Variants in USP34 observed in about 807,000 individuals in gnomAD.
USP34 encodes ubiquitin carboxyl-terminal hydrolase 34.
USP34 carries 70 observed loss-of-function variants against 460.3 expected under a neutral mutation model. The ratio of observed to expected loss-of-function variants is 0.15; its 90% CI spans 0.13 to 0.19. The LOEUF (loss-of-function observed/expected upper bound fraction) is 0.19, where lower values mean the gene tolerates loss of function less well. USP34 is among the 10% of genes least tolerant of loss of function. The pLI, the probability that USP34 is intolerant of heterozygous loss-of-function variation, is 1.00. For missense variants in USP34, 3,985 were observed against 4,236.2 expected, an observed-to-expected ratio of 0.94 and a Z score of 1.65; for synonymous variants, 1,647 against 1,405.3, an observed-to-expected ratio of 1.17 and a Z score of -3.85.
intron 35 of USP34, among the ~76,000 whole-genome samples, chr2:61,284,120 T>C (rs991013198): frequency 2.6e-5 from 4 of 152,172 alleles, no homozygotes; most frequent in African/African-American, 9.7e-5. Flanking sequence ...ACGAAATGAC[T>C]TCAGATTTAA....
chr2:61,375,768 C>CAAAAAAAAAAA (rs56304309), intron 8 of USP34, among the ~76,000 whole-genome samples: 933 of 80,718 alleles, frequency 0.012, 33 homozygotes, highest in South Asian at 0.019. Flanking sequence ...GACTCTGTCT[C>CAAAAAAAAAAA]AAAAAAAAAA....
rs774913204 is a variant in USP34 at position 61,401,024 on chromosome 2, G to A, written c.552+4684C>T. ...AATTAGCTGGGCATTTTGGGTGCGC[G>A]CCTGTAGTCCCAGCTACTTGGGAGG... On this transcript the variant is annotated intron_variant, in intron 3 of 79. Coordinates refer to ENST00000398571, the MANE Select transcript of USP34 (RefSeq NM_014709.4). Among the ~76,000 whole-genome samples, 26 of 151,196 alleles carry A rather than the reference G, an allele frequency of 1.7e-4. 1 individual carries two copies. The highest frequency in any genetic ancestry group is 3.2e-4 in the Non-Finnish European group (22 of 67,838).
intron 58 of USP34, 85 bp downstream of exon 58, chr2:61,232,367 G>A (rs903250807): frequency 8.9e-7 from 1 of 1,126,386 alleles, no homozygotes; most frequent in South Asian, 1.3e-5. Context: ...ATTAGGTTAA[G>A]ACACACTTAT....
chr2:61,385,581 A>T (rs1693113816), intron 5 of USP34, among the ~76,000 whole-genome samples: 1 of 147,410 alleles, frequency 6.8e-6, no homozygotes, highest in Non-Finnish European at 1.5e-5. Flanking sequence ...CTGAGGCAGG[A>T]GAATGGCGTG....
At chr2:61,247,896 C>T (rs1019872529) in intron 49 of USP34, among the ~76,000 whole-genome samples, 9 of 152,034 alleles carry the variant, frequency 5.9e-5, no homozygotes, top group Non-Finnish European at 1.0e-4. Context: ...GAAGGATAAA[C>T]GAGCAAGAGG....
intron 20 of USP34, among the ~76,000 whole-genome samples, chr2:61,326,117 A>AC (rs1408715820): frequency 6.6e-6 from 1 of 152,098 alleles, no homozygotes; most frequent in Non-Finnish European, 1.5e-5. Flanking sequence ...GAGATAGAAA[A>AC]GGAAGTCAGG....
chr2:61,335,549 C>T (rs769492254), intron 18 of USP34, among the ~76,000 whole-genome samples: 3 of 152,110 alleles, frequency 2.0e-5, no homozygotes, highest in African/African-American at 4.8e-5. Context: ...GAGTTTGAGA[C>T]CAGCCAGGGA....
At position 61,199,342 on chromosome 2, in the gene USP34, G is replaced by A. The variant is rs141015038; in HGVS notation, c.9508+3798C>T. On this transcript the variant is annotated intron_variant, in intron 75 of 79. Coordinates refer to ENST00000398571, the MANE Select transcript of USP34 (RefSeq NM_014709.4). ...GCCATCTCGGCTCACTGCAACCTCC[G>A]CCTCCCAGGCTCAAGCGATTCTCCT... Among the ~76,000 whole-genome samples the A allele has an allele frequency of 3.1e-3, 473 of 151,636 alleles. 2 individuals are homozygous for A. The highest frequency in any genetic ancestry group is 5.6e-3 in the Non-Finnish European group (383 of 67,912).
intron 7 of USP34, among the ~76,000 whole-genome samples, chr2:61,378,678 G>A (rs956535183): frequency 6.6e-6 from 1 of 152,028 alleles, no homozygotes; most frequent in African/African-American, 2.4e-5. Context: ...GGCCAAGGCA[G>A]GTGGATCACC....
chr2:61,197,340 C>T (rs1686838909), intron 75 of USP34, among the ~76,000 whole-genome samples: 2 of 152,098 alleles, frequency 1.3e-5, no homozygotes, highest in South Asian at 4.1e-4. Flanking sequence ...TAAATTTTCT[C>T]ATCAATTTTG....
Position 61,227,098 on chromosome 2 carries a change from C to G in USP34, c.7564G>C (p.Ala2522Pro). ...AALEKMIALV[A>P]LLVEQSRSER... ...GATCGAGACTGTTCAACCAAAAGAG[C>G]AACTAAAGCTATCATCTTTTCAAGG... is the stretch of plus-strand genomic sequence containing the variant. The change falls in exon 62 of 80, where the codon GCT becomes CCT. Residue 2522 changes from alanine to proline, a missense_variant. Coordinates refer to ENST00000398571, the MANE Select transcript of USP34 (RefSeq NM_014709.4). The G allele has an allele frequency of 6.2e-7, 1 of 1,612,572 alleles. No homozygotes were observed. The highest frequency in any genetic ancestry group is 2.2e-5 in the East Asian group (1 of 44,816).
At chr2:61,257,408 T>A in intron 44 of USP34, 58 bp from the exon 45 acceptor site, 1 of 1,449,466 alleles carries the variant, frequency 6.9e-7, no homozygotes, top group Non-Finnish European at 9.2e-7. Context: ...AATTATAGGT[T>A]CTTCAATGAA....
chr2:61,386,470 G>C (rs935723864), intron 5 of USP34, among the ~76,000 whole-genome samples: 1 of 151,962 alleles, frequency 6.6e-6, no homozygotes, highest in Non-Finnish European at 1.5e-5. Flanking sequence ...CCTGATCAAG[G>C]TAAGCAAGAA....
chr2:61,234,616 T>A (rs975257914), intron 57 of USP34, among the ~76,000 whole-genome samples: 4 of 151,924 alleles, frequency 2.6e-5, no homozygotes, highest in African/African-American at 7.3e-5. Context: ...GGCCAAAGAG[T>A]ACAAAGTTTC....
chr2:61,397,238 T>A (rs1693556984), intron 3 of USP34, among the ~76,000 whole-genome samples: 2 of 150,038 alleles, frequency 1.3e-5, no homozygotes, highest in Admixed American at 6.7e-5. Flanking sequence ...AGGTCAAGAG[T>A]TCTAGACCAG....
chr2:61,192,059 A>G (rs551969744), intron 76 of USP34, among the ~76,000 whole-genome samples: 1 of 152,358 alleles, frequency 6.6e-6, no homozygotes, highest in South Asian at 2.1e-4. Flanking sequence ...CCAGTAGAGT[A>G]CAGGATGGCA....
At chr2:61,261,608 TCC>T (rs1688880068) in intron 43 of USP34, among the ~76,000 whole-genome samples, 1 of 152,186 alleles carries the variant, frequency 6.6e-6, no homozygotes, top group Non-Finnish European at 1.5e-5. Flanking sequence ...ATGTATTTAA[TCC>T]CATCAACTGT....
At chr2:61,210,276 C>T (rs1341637491) in intron 69 of USP34, among the ~76,000 whole-genome samples, 1 of 152,094 alleles carries the variant, frequency 6.6e-6, no homozygotes, top group East Asian at 1.9e-4. Flanking sequence ...TGGTAAGTGC[C>T]CTACACAAGT....
chr2:61,396,261 T>C (rs1693520821), intron 3 of USP34, among the ~76,000 whole-genome samples: 1 of 152,144 alleles, frequency 6.6e-6, no homozygotes, highest in African/African-American at 2.4e-5. Flanking sequence ...AGTTATCCAT[T>C]GTTGGTGAGT....
Sources: allele counts gnomAD v4.1 joint callset (sites outside exome capture counted in the v4.1 genomes callset), GRCh38; gene constraint gnomAD v4.1.1; transcripts MANE v1.5; gene names NCBI Gene and HGNC (gene_info 2026-07-23, HGNC 2026-07-21).